MYH3: variants seen among roughly 807,000 people sequenced by gnomAD.
MYH3 encodes the protein myosin heavy chain 3.
Under a neutral mutation model 238.0 loss-of-function variants are expected in MYH3, and 130 were observed. The observed-to-expected ratio is 0.55, with a 90% CI of 0.47 to 0.63. MYH3 has a LOEUF of 0.63. Among genes scored for constraint, MYH3 ranks in the 30% least tolerant of loss-of-function variants. MYH3 has a pLI of 0.00. For synonymous variants in MYH3, 880 were observed against 924.1 expected (o/e 0.95, Z 0.86); for missense variants, 1,853 against 2,374.9 (o/e 0.78, Z 4.57).
chr17:10,648,723 TGCA>T (rs2074346810), intron 7 of MYH3, 74 bp from the exon 8 acceptor site: 3 of 1,280,186 alleles, frequency 2.3e-6, no homozygotes, highest in Middle Eastern at 5.0e-4. Flanking sequence ...TTGCCCAGGC[TGCA>T]GTGCAATGGC....
At chr17:10,652,146 C>A (rs2074382123) in intron 4 of MYH3, 3 of 505,374 alleles carry the variant, frequency 5.9e-6, no homozygotes, top group South Asian at 2.0e-5. Flanking sequence ...GAGTGGCGAC[C>A]CTCCCACAGT....
At chr17:10,665,920 G>A in the MYH3 span, among the ~76,000 whole-genome samples, 3 of 152,288 alleles carry the variant, frequency 2.0e-5, no homozygotes, top group East Asian at 1.9e-4. Flanking sequence ...ACTGACCAGC[G>A]GAACAGCATA....
At position 10,639,615 on chromosome 17, in the gene MYH3, T is replaced by C. The variant is rs772174746; in HGVS notation, c.2870A>G (p.Asp957Gly). The change falls in exon 23 of 41, where the codon GAC (aspartate) becomes GGC (glycine). Residue 957 changes from aspartate (D) to glycine (G), a missense_variant. Around this residue, in one of 3 missense-constraint regions of MYH3, gnomAD observed 678 missense variants for 1,058.9 expected, o/e 0.64. Transcript: ENST00000583535. ...ECSELKKDID[D>G]LELTLAKVEK... ...AACCTTGGCCAGGGTCAACTCAAGG[T>C]CATCAATGTCTTTCTTGAGCTCTGA... is the stretch of plus-strand genomic sequence containing the variant. 4.3e-6 allele frequency: 7 copies of C among 1,614,106 alleles called. No individual in the cohort carries two copies. Among genetic ancestry groups the C allele is most frequent in the Non-Finnish European group, 5.9e-6 (7 of 1,180,022 alleles).
At position 10,631,756 on chromosome 17, in the gene MYH3, G is replaced by A; in HGVS notation, c.5161-20C>T. The A allele has an allele frequency of 6.2e-7, 1 of 1,614,158 alleles. No individual in the cohort carries two copies. The highest frequency in any genetic ancestry group is 8.5e-7 in the Non-Finnish European group (1 of 1,180,018). On this transcript the variant is annotated intron_variant, in intron 35 of 40. Coordinates refer to ENST00000583535, the MANE Select transcript of MYH3 (RefSeq NM_002470.4). Reference sequence around the variant, plus strand: ...GGTGTTCTAGGGCAAGAGGAGGGCTGTTAACCAGGTGCGTATGAGGCTGGA... The same window carrying A: ...GGTGTTCTAGGGCAAGAGGAGGGCTATTAACCAGGTGCGTATGAGGCTGGA...
chr17:10,633,770 C>T (rs957600154), intron 32 of MYH3, 55 bp from the exon 33 acceptor site: 10 of 1,606,956 alleles, frequency 6.2e-6, no homozygotes, highest in Middle Eastern at 1.6e-4. Context: ...GGTTTCCAGA[C>T]ATGCAAAGCA....
intron 4 of MYH3, chr17:10,652,007 C>T (rs1223969757): frequency 1.0e-4 from 39 of 391,282 alleles, no homozygotes; most frequent in Non-Finnish European, 5.3e-5. Flanking sequence ...TCCCAAAGTG[C>T]TGGGATTACG....
At chr17:10,646,074 GA>G (rs1397555011) in intron 10 of MYH3, 42 bp from the exon 11 acceptor site, 32 of 1,557,814 alleles carry the variant, frequency 2.1e-5, no homozygotes, top group Non-Finnish European at 2.5e-5. Context: ...CAGATGCAAA[GA>G]AAAAACCCAC....
intron 26 of MYH3, 67 bp downstream of exon 26, chr17:10,638,806 T>G: frequency 6.7e-7 from 1 of 1,502,812 alleles, no homozygotes; most frequent in Non-Finnish European, 9.2e-7. Context: ...AAATGGCTTA[T>G]AGCAGACAGC....
At chr17:10,640,787 G>A (rs2074264009) in intron 19 of MYH3, 101 bp from the exon 20 acceptor site, 2 of 1,434,226 alleles carry the variant, frequency 1.4e-6, no homozygotes, top group South Asian at 1.2e-5. Flanking sequence ...GAAGGCCAAG[G>A]TCCCAGGAGA....
At position 10,640,020 on chromosome 17, in the gene MYH3, A is replaced by G. The variant is rs758877687; in HGVS notation, c.2658T>C (p.Asn886=). ...CAGCTTGTACTTGGAGCTGCAGGTC[A>G]TTCTTCTCTTGGACCAGAGTCACCA... is the stretch of plus-strand genomic sequence containing the variant. The part of the protein sequence containing the change: ...EKLVTLVQEK[N]DLQLQVQAES... Residue 886 remains asparagine (N), a synonymous_variant, in exon 22 of 41, where the codon AAT becomes AAC. Transcript: ENST00000583535. 3 of 1,612,936 alleles carry G rather than the reference A, an allele frequency of 1.9e-6. No individual in the cohort carries two copies. The highest frequency in any genetic ancestry group is 2.2e-5 in the East Asian group (1 of 44,836).
upstream of MYH3, among the ~76,000 whole-genome samples, chr17:10,660,138 C>T (rs537663296): frequency 3.3e-5 from 5 of 152,310 alleles, no homozygotes; most frequent in East Asian, 1.9e-4. Context: ...CTCTGTAAAA[C>T]GGGGGTGACA....
intron 3 of MYH3, among the ~76,000 whole-genome samples, chr17:10,653,687 C>T (rs1276330341): frequency 1.3e-5 from 2 of 152,202 alleles, no homozygotes; most frequent in Non-Finnish European, 2.9e-5. Flanking sequence ...CTGTGACCTC[C>T]TCTGAAATGG....
rs144338240 is a variant in MYH3 at position 10,639,602 on chromosome 17, G to T, written c.2883C>A (p.Thr961=). 1,779 of 1,613,932 alleles carry T rather than the reference G, an allele frequency of 1.1e-3. 4 individuals are homozygous for T. Among genetic ancestry groups the T allele is most frequent in the Admixed American group, 2.0e-3 (118 of 59,980 alleles). ...LKKDIDDLEL[T]LAKVEKEKHA... is the part of the protein sequence containing the mutation. ...GCTTCTCCTTCTCAACCTTGGCCAG[G>T]GTCAACTCAAGGTCATCAATGTCTT... Residue 961 remains threonine, a synonymous_variant, in exon 23 of 41, where the codon ACC becomes ACA. Transcript: ENST00000583535.
At position 10,630,302 on chromosome 17, in the gene MYH3, T is replaced by C; in HGVS notation, c.5443A>G (p.Lys1815Glu). Residue 1815 changes from lysine to glutamate, a missense_variant, in exon 37 of 41, where the codon AAA becomes GAA. By Grantham distance (56) the Lys-to-Glu change is moderately conservative. Coordinates refer to ENST00000583535, the MANE Select transcript of MYH3 (RefSeq NM_002470.4). ...CCTGCACACACCCTGGTCTCCAGTT[T>C]CTGGATCTGCTTCTTCCCGCCCTTC... Reference protein sequence around the residue: ...ALKGGKKQIQKLETRIRELEF... With the variant: ...ALKGGKKQIQELETRIRELEF... 6.2e-7 allele frequency: 1 copy of C among 1,614,164 alleles called. No homozygotes were observed. Among genetic ancestry groups the C allele is most frequent in the Non-Finnish European group, 8.5e-7 (1 of 1,180,034 alleles).
chr17:10,657,947 T>C (rs887314804), upstream of MYH3, among the ~76,000 whole-genome samples: 10 of 152,170 alleles, frequency 6.6e-5, no homozygotes, highest in Admixed American at 6.5e-4. Context: ...TTAGTATCAT[T>C]ATTAACTTAA....
At chr17:10,632,319 A>G (rs181324309) in intron 34 of MYH3, among the ~76,000 whole-genome samples, 157 bp downstream of exon 34, 2 of 152,262 alleles carry the variant, frequency 1.3e-5, no homozygotes, top group East Asian at 3.9e-4. Flanking sequence ...AGGTTTTGCT[A>G]TATTGCCCAG....
chr17:10,664,401 G>A, the MYH3 span, among the ~76,000 whole-genome samples: 13 of 152,226 alleles, frequency 8.5e-5, no homozygotes, highest in East Asian at 2.1e-3. Context: ...AATGGAGTCC[G>A]GTTTGATGTC....
chr17:10,643,663 C>T (rs888970126), intron 14 of MYH3, among the ~76,000 whole-genome samples: 1 of 152,184 alleles, frequency 6.6e-6, no homozygotes, highest in Non-Finnish European at 1.5e-5. Context: ...CATGAGGCAC[C>T]ATGCCCAGCC....
intron 28 of MYH3, 40 bp downstream of exon 28, chr17:10,637,769 A>G: frequency 6.2e-7 from 1 of 1,613,246 alleles, no homozygotes. Context: ...ATTGGGTGCC[A>G]GGAGGTTTTG....
Sources: gnomAD v4.1 joint callset for allele counts (sites outside exome capture counted in the v4.1 genomes callset) on GRCh38, gnomAD v4.1.1 for gene constraint, gnomAD v4.1.1 regional missense constraint, MANE v1.5 for transcripts, NCBI Gene and HGNC (gene_info 2026-07-23, HGNC 2026-07-21) for gene names.